Variants in STRN3 observed in about 807,000 individuals in gnomAD.
STRN3 encodes the protein striatin 3.
A neutral mutation model predicts 95.6 loss-of-function variants in STRN3; 29 were observed. The ratio of observed to expected loss-of-function variants is 0.30; its 90% confidence interval spans 0.23 to 0.41. The LOEUF is 0.41. Ranked by LOEUF, STRN3 falls within the 10% of genes least tolerant of loss-of-function variation. The pLI is 1.00. For missense variants in STRN3, 890 were observed against 972.1 expected (o/e 0.92, Z 1.12); for synonymous variants, 331 against 357.6 (o/e 0.93, Z 0.84).
chr14:30,929,967 A>AAAAAAAAAAAAAAAAAAAAC lies in STRN3; in HGVS notation c.989-657_989-656insGTTTTTTTTTTTTTTTTTTT, dbSNP rs1555317336. 2.3e-3 allele frequency among the ~76,000 whole-genome samples: 208 copies of AAAAAAAAAAAAAAAAAAAAC among 91,162 alleles called. 3 individuals are homozygous for AAAAAAAAAAAAAAAAAAAAC. Among genetic ancestry groups the AAAAAAAAAAAAAAAAAAAAC allele is most frequent in the Non-Finnish European group, 3.4e-3 (152 of 44,098 alleles). The allele number at this position is 91,162 out of a possible 152,430, so 59.8% of individuals were successfully genotyped here. On this transcript the variant is annotated intron_variant, in intron 7 of 17. Transcript: ENST00000357479. ...AACTAAGATTAGCAAAAAAAAAAAA[A>AAAAAAAAAAAAAAAAAAAAC]AAAAAAAAAAAACTCAAATTCCACT...
At position 31,025,691 on chromosome 14, in the gene STRN3, T is replaced by C. The variant is rs990457852; in HGVS notation, c.282+213A>G. 1.3e-5 allele frequency: 9 copies of C among 718,274 alleles called. No individual in the cohort carries two copies. The African/African-American group carries it at 1.5e-4, about 12-fold the overall frequency. The allele number at this position is 718,274 out of a possible 1,614,324, so 44.5% of individuals were successfully genotyped here. A position where few individuals can be genotyped will look rare whatever the true frequency, so the allele number is the denominator to read the frequency against. On this transcript the variant is annotated intron_variant, in intron 1 of 17. Coordinates refer to ENST00000357479, the MANE Select transcript of STRN3 (RefSeq NM_001083893.2). ...CTGCCCCGAGGAGGCCCGCACCGCG[T>C]AGCCAGTGAAGGTTGGGGAGCAAGC...
In STRN3 at chr14:30,897,518, G is replaced by C. The variant is rs146292773; in HGVS notation, c.2138-1770C>G. Among the ~76,000 whole-genome samples the C allele has an allele frequency of 1.8e-3, 275 of 152,306 alleles. 4 individuals carry two copies. In the East Asian group the frequency reaches 0.032, roughly 18 times the overall value. ...GAGAATCGCTTGAACCCGGGAGGTG[G>C]AGGCTGCAGTGAGCTGAGATCGTGC... is the stretch of plus-strand genomic sequence containing the variant. On this transcript the variant is annotated intron_variant, in intron 16 of 17. Transcript: ENST00000357479.
At chr14:31,025,061 G>A (rs928751086) in intron 1 of STRN3, 19 of 152,160 alleles carry the variant, frequency 1.2e-4, no homozygotes, top group African/African-American at 4.6e-4. Context: ...TCTCCTGCAA[G>A]AGTAAGTAAC....
chr14:30,947,050 T>A, intron 5 of STRN3, 40 bp downstream of exon 5: 2 of 1,345,522 alleles, frequency 1.5e-6, no homozygotes, highest in Non-Finnish European at 2.0e-6. Flanking sequence ...ACAATATCCA[T>A]AATATCCATT....
At chr14:30,944,501 T>TAC (rs1397549945) in intron 5 of STRN3, among the ~76,000 whole-genome samples, 2 of 148,332 alleles carry the variant, frequency 1.3e-5, no homozygotes, top group Admixed American at 1.4e-4. Flanking sequence ...CACATATATA[T>TAC]ACATGTATAT....
intron 8 of STRN3, among the ~76,000 whole-genome samples, chr14:30,927,950 A>T (rs1012727183): frequency 1.3e-5 from 2 of 151,810 alleles, no homozygotes; most frequent in African/African-American, 4.8e-5. Flanking sequence ...AAAAAAAAAA[A>T]AAAAATTAAA....
intron 1 of STRN3, among the ~76,000 whole-genome samples, chr14:30,958,584 C>A (rs1372285069): frequency 6.6e-6 from 1 of 152,098 alleles, no homozygotes; most frequent in Admixed American, 6.6e-5. Flanking sequence ...AACCACTAAG[C>A]CCATACTATA....
chr14:30,947,218 C>A lies in STRN3; in HGVS notation c.588G>T (p.Arg196=). The A allele has an allele frequency of 1.2e-6, 2 of 1,611,008 alleles. No homozygotes were observed. The highest frequency in any genetic ancestry group is 1.7e-6 in the Non-Finnish European group (2 of 1,178,802). ...VGYTDTILDV[R]SQRVRSLLGL... ...CAAGTAATGACCTTACCCGCTGAGA[C>A]CGTACATCTAATATTGTATCTGTAT... Residue 196 remains arginine, a synonymous_variant, in exon 5 of 18, where the codon CGG becomes CGT. Transcript: ENST00000357479.
intron 7 of STRN3, among the ~76,000 whole-genome samples, chr14:30,929,954 C>CAAAAAAAACAAAAAAAA (rs1878402567): frequency 2.5e-5 from 1 of 39,996 alleles, no homozygotes; most frequent in African/African-American, 1.2e-4. Flanking sequence ...CTAAGATTAG[C>CAAAAAAAACAAAAAAAA]AAAAAAAAAA....
intron 1 of STRN3, among the ~76,000 whole-genome samples, chr14:30,988,487 G>A (rs116339222): frequency 6.8e-4 from 103 of 152,184 alleles, no homozygotes; most frequent in African/African-American, 2.4e-3. Context: ...GAAATCTGCT[G>A]AGCCCAACTA....
intron 1 of STRN3, among the ~76,000 whole-genome samples, chr14:30,964,139 C>G (rs1345648967): frequency 2.6e-5 from 4 of 152,054 alleles, no homozygotes; most frequent in African/African-American, 2.4e-5. Flanking sequence ...GTAGTCTCAG[C>G]TATACGAGAG....
At chr14:30,954,185 C>T (rs1034437830) in intron 3 of STRN3, among the ~76,000 whole-genome samples, 4 of 152,034 alleles carry the variant, frequency 2.6e-5, no homozygotes, top group African/African-American at 4.8e-5. Context: ...ATTTATATAT[C>T]CTCTTCTATG....
intron 1 of STRN3, among the ~76,000 whole-genome samples, chr14:30,962,270 T>G (rs1425651306): frequency 1.3e-5 from 2 of 152,234 alleles, no homozygotes; most frequent in East Asian, 3.8e-4. Context: ...ACAATGTGCT[T>G]GTTTTAAACT....
At chr14:30,949,679 G>A (rs1196737658) in intron 4 of STRN3, among the ~76,000 whole-genome samples, 4 of 88,182 alleles carry the variant, frequency 4.5e-5, no homozygotes, top group Non-Finnish European at 9.0e-5. Flanking sequence ...CATAGACTCC[G>A]TTTCCAAAAA....
At chr14:30,937,072 G>C (rs1656289871) in intron 5 of STRN3, among the ~76,000 whole-genome samples, 1 of 152,096 alleles carries the variant, frequency 6.6e-6, no homozygotes, top group South Asian at 2.1e-4. Flanking sequence ...TGTAATCCCA[G>C]CACTTTGGGA....
Position 31,026,149 on chromosome 14 carries a change from C to G in STRN3, c.37G>C (p.Gly13Arg). ...TGCTGCCGGGGAGGGGCCGCCATCC[C>G]CGGGCCGCCACCACCGCCTCCGGCA... ...ELAGGGGGGP[G>R]MAAPPRQQQG... The change falls in exon 1 of 18, where the codon GGG becomes CGG. Residue 13 changes from glycine (G) to arginine (R), a missense_variant. Around this residue, in one of 3 missense-constraint regions of STRN3, gnomAD observed 526 missense variants for 526.3 expected, o/e 1.00. Transcript: ENST00000357479. 6.7e-7 allele frequency: 1 copy of G among 1,489,828 alleles called. No individual in the cohort carries two copies. Among genetic ancestry groups the G allele is most frequent in the Non-Finnish European group, 8.9e-7 (1 of 1,126,996 alleles). The allele number at this position is 1,489,828 out of a possible 1,614,324, so 92.3% of individuals were successfully genotyped here. A position where few individuals can be genotyped will look rare whatever the true frequency, so the allele number is the denominator to read the frequency against.
chr14:30,990,517 G>A (rs1464514643), intron 1 of STRN3, among the ~76,000 whole-genome samples: 3 of 152,088 alleles, frequency 2.0e-5, no homozygotes, highest in Non-Finnish European at 4.4e-5. Context: ...TATGCAAAAG[G>A]GGAGACAGGT....
At chr14:30,973,074 T>TG (rs1594521087) in intron 1 of STRN3, among the ~76,000 whole-genome samples, 1 of 151,976 alleles carries the variant, frequency 6.6e-6, no homozygotes, top group Non-Finnish European at 1.5e-5. Context: ...CCAGGTGTGG[T>TG]GGCACCCGCC....
At chr14:30,916,909 T>C (rs1896754532) in intron 9 of STRN3, among the ~76,000 whole-genome samples, 1 of 152,218 alleles carries the variant, frequency 6.6e-6, no homozygotes, top group Non-Finnish European at 1.5e-5. Context: ...GAACTCTTTT[T>C]CCCAAGAACT....
Sources: gnomAD v4.1 joint callset for allele counts (sites outside exome capture counted in the v4.1 genomes callset) on GRCh38, gnomAD v4.1.1 for gene constraint, gnomAD v4.1.1 regional missense constraint, MANE v1.5 for transcripts, NCBI Gene and HGNC (gene_info 2026-07-23, HGNC 2026-07-21) for gene names.